NBAS: variants seen among roughly 807,000 people sequenced by gnomAD.
NBAS encodes NAG/BC035112 fusion.
NBAS carries 219 observed loss-of-function variants against 302.5 expected under a neutral mutation model. That is an observed-to-expected ratio of 0.72 (90% CI 0.65 to 0.81). NBAS has a LOEUF of 0.81. Among genes scored for constraint, NBAS ranks in the 30% least tolerant of loss-of-function variants. NBAS has a pLI of 0.00. For missense variants in NBAS, 2,932 were observed against 2,841.6 expected, an observed-to-expected ratio of 1.03 and a Z score of -0.72; for synonymous variants, 1,118 against 1,021.6, an observed-to-expected ratio of 1.09 and a Z score of -1.80.
chr2:15,281,612 A>T (rs774675118), intron 42 of NBAS, among the ~76,000 whole-genome samples: 2 of 152,200 alleles, frequency 1.3e-5, no homozygotes, highest in Non-Finnish European at 2.9e-5. Flanking sequence ...GCAGTTCTGC[A>T]AAATGGGCTG....
At chr2:15,379,499 C>G (rs1389856940) in intron 30 of NBAS, 103 bp downstream of exon 30, 3 of 1,187,448 alleles carry the variant, frequency 2.5e-6, no homozygotes, top group Non-Finnish European at 3.7e-6. Flanking sequence ...TGTAGTCAAT[C>G]TGTACCTGTG....
chr2:15,312,830 C>A (rs549653529), intron 38 of NBAS, among the ~76,000 whole-genome samples: 2 of 152,196 alleles, frequency 1.3e-5, no homozygotes, highest in Non-Finnish European at 2.9e-5. Context: ...CTTGGTTCCT[C>A]GTCAAATCCA....
At chr2:14,838,400 G>T in the NBAS span, among the ~76,000 whole-genome samples, 1 of 151,698 alleles carries the variant, frequency 6.6e-6, no homozygotes, top group South Asian at 2.1e-4. Context: ...GCTTGTATTT[G>T]GTTTTCTTTC....
chr2:14,919,178 G>A, the NBAS span, among the ~76,000 whole-genome samples: 1 of 152,098 alleles, frequency 6.6e-6, no homozygotes, highest in African/African-American at 2.4e-5. Flanking sequence ...TCAGGGCTCA[G>A]TTCCAGACCA....
chr2:15,045,173 A>T, the NBAS span, among the ~76,000 whole-genome samples: 1 of 152,166 alleles, frequency 6.6e-6, no homozygotes, highest in East Asian at 1.9e-4. Flanking sequence ...TTGACCACCA[A>T]CGCCATGTGA....
chr2:14,833,402 A>C, the NBAS span, among the ~76,000 whole-genome samples: 3 of 152,104 alleles, frequency 2.0e-5, no homozygotes, highest in South Asian at 2.1e-4. Context: ...AATGTGTATA[A>C]ATTTCTCTGA....
chr2:14,849,688 G>A, the NBAS span, among the ~76,000 whole-genome samples: 15 of 140,494 alleles, frequency 1.1e-4, 1 homozygote, highest in East Asian at 1.9e-3. Flanking sequence ...GAGAAAGGTC[G>A]GGTTACCCTC....
the NBAS span, among the ~76,000 whole-genome samples, chr2:14,989,268 A>G: frequency 6.3e-3 from 883 of 140,564 alleles, 7 homozygotes; most frequent in South Asian, 0.021. Context: ...TACATATAGT[A>G]TACATATATA....
At chr2:15,223,831 TAA>T (rs535518239) in intron 47 of NBAS, among the ~76,000 whole-genome samples, 6 of 100,794 alleles carry the variant, frequency 6.0e-5, no homozygotes, top group Admixed American at 1.0e-4. Flanking sequence ...CCATCTCAAA[TAA>T]AAAAAAAAAA....
At chr2:15,309,353 GC>G in intron 38 of NBAS, 106 bp from the exon 39 acceptor site, 1 of 904,932 alleles carries the variant, frequency 1.1e-6, no homozygotes, top group South Asian at 1.4e-5. Flanking sequence ...ATAATTAGTG[GC>G]AGAGACCTTT....
rs146461749 is a variant in NBAS, at chr2:15,241,740, C to T, written c.5725-3054G>A. 5.2e-3 allele frequency among the ~76,000 whole-genome samples: 786 copies of T among 152,286 alleles called. 3 individuals are homozygous for T. The highest frequency in any genetic ancestry group is 0.016 in the African/African-American group (673 of 41,562). ...ATAAAATACATGTGCCATCCTCTCCCGTTGGTTTGTCATCTTCCTAATAAA... is the reference window on the plus strand; with the variant it reads ...ATAAAATACATGTGCCATCCTCTCCTGTTGGTTTGTCATCTTCCTAATAAA... On this transcript the variant is annotated intron_variant, in intron 44 of 51. Transcript: ENST00000281513.
chr2:15,066,040 A>C, the NBAS span, among the ~76,000 whole-genome samples: 1 of 126,370 alleles, frequency 7.9e-6, no homozygotes, highest in Non-Finnish European at 1.8e-5. Flanking sequence ...AGAAATAAAG[A>C]CCAATGGAAC....
rs865974987 is a variant in NBAS, at chr2:15,335,930, A to G, written c.4180-5165T>C. 1.5e-3 allele frequency among the ~76,000 whole-genome samples: 211 copies of G among 140,358 alleles called. 1 individual carries two copies. The highest frequency in any genetic ancestry group is 6.7e-3 in the African/African-American group (207 of 30,878). 92.1% of individuals were successfully genotyped at this position (140,358 alleles called of 152,430 possible). A position where few individuals can be genotyped will look rare whatever the true frequency, so the allele number is the denominator to read the frequency against. ...ACAAAGCAAGACTCCCATCTCCACA[A>G]AATAAAAAATAAAAAATTACGCAGG... On this transcript the variant is annotated intron_variant, in intron 35 of 51. Coordinates refer to ENST00000281513, the MANE Select transcript of NBAS (RefSeq NM_015909.4).
At chr2:14,974,315 T>C in the NBAS span, among the ~76,000 whole-genome samples, 2 of 152,210 alleles carry the variant, frequency 1.3e-5, no homozygotes, top group East Asian at 1.9e-4. Flanking sequence ...TTTACCGCTA[T>C]AAATATTCTT....
the NBAS span, among the ~76,000 whole-genome samples, chr2:14,817,378 G>A: frequency 6.6e-6 from 1 of 152,104 alleles, no homozygotes; most frequent in African/African-American, 2.4e-5. Flanking sequence ...TAACTATGTT[G>A]TCCCTTCATT....
the NBAS span, among the ~76,000 whole-genome samples, chr2:15,098,305 A>ATATGTG: frequency 6.7e-5 from 1 of 14,978 alleles, no homozygotes; most frequent in African/African-American, 8.7e-4. Flanking sequence ...TACAATATAT[A>ATATGTG]ATATATTGTA....
At chr2:15,553,566 C>A (rs1178386630) in intron 4 of NBAS, 93 bp from the exon 5 acceptor site, 1 of 1,201,528 alleles carries the variant, frequency 8.3e-7, no homozygotes, top group Non-Finnish European at 1.2e-6. Context: ...AGTTAAAAAT[C>A]ATTTTTAAAT....
At chr2:15,071,945 A>T in the NBAS span, among the ~76,000 whole-genome samples, 1 of 152,240 alleles carries the variant, frequency 6.6e-6, no homozygotes, top group African/African-American at 2.4e-5. Flanking sequence ...TATTGATTAC[A>T]TCTTTGTCCC....
At position 15,353,667 on chromosome 2, in the gene NBAS, T is replaced by C. The variant is rs1281839333; in HGVS notation, c.3975A>G (p.Ser1325=). 3.1e-6 allele frequency: 5 copies of C among 1,613,966 alleles called. No homozygotes were observed. The highest frequency in any genetic ancestry group is 1.7e-5 in the Admixed American group (1 of 59,992). The part of the protein sequence containing the change: ...SWDVCSQLGQ[S]EGYQDLATRQ... ...GAGTGGCCAAGTCCTGGTAACCTTC[T>C]GATTGTCCTAACTGGCTACAAACAT... Residue 1325 remains serine (S), a synonymous_variant, in exon 34 of 52, where the codon TCA becomes TCG. Transcript: ENST00000281513.
Sources: allele counts gnomAD v4.1 joint callset (sites outside exome capture counted in the v4.1 genomes callset), GRCh38; gene constraint gnomAD v4.1.1; transcripts MANE v1.5; gene names NCBI Gene and HGNC (gene_info 2026-07-23, HGNC 2026-07-21).